Variants in GRTP1 observed in about 807,000 individuals in gnomAD.
The protein encoded by GRTP1 is growth hormone-regulated TBC protein 1.
A neutral mutation model predicts 38.1 loss-of-function variants in GRTP1; 56 were observed. The ratio of observed to expected loss-of-function variants is 1.47; its 90% CI spans 1.19 to 1.84. The LOEUF (loss-of-function observed/expected upper bound fraction) is 1.84, where lower values mean the gene tolerates loss of function less well. Among genes scored for constraint, GRTP1 ranks in the 40% most tolerant of loss-of-function variants. The pLI is 0.00. For missense variants in GRTP1, 506 were observed against 453.9 expected (o/e 1.11, Z -1.04); for synonymous variants, 217 against 189.5 (o/e 1.14, Z -1.19).
At chr13:113,345,945 G>A (rs116400737) in intron 4 of GRTP1, among the ~76,000 whole-genome samples, 5,331 of 152,302 alleles carry the variant, frequency 0.035, 327 homozygotes, top group African/African-American at 0.12. Context: ...ATGCTGGGAA[G>A]ACCTCTGTGG....
At position 113,343,964 on chromosome 13, in the gene GRTP1, C is replaced by G. The variant is rs1323742309; in HGVS notation, c.562+899G>C. Among the ~76,000 whole-genome samples the G allele has an allele frequency of 6.6e-6, 1 of 152,218 alleles. No individual in the cohort carries two copies. The highest frequency in any genetic ancestry group is 2.4e-5 in the African/African-American group (1 of 41,460). On this transcript the variant is annotated intron_variant, in intron 5 of 7. Transcript: ENST00000375431. The surrounding 1 kb of genome is among the most constrained non-coding windows in gnomAD (Gnocchi z 4.8). ...CCTGCAGCTCATCGTCTGCACTGGC[C>G]TTCACCATAACCCGTGGATAACTTA...
intron 5 of GRTP1, among the ~76,000 whole-genome samples, chr13:113,338,672 C>T (rs1030993355): frequency 8.5e-5 from 13 of 152,278 alleles, no homozygotes; most frequent in African/African-American, 2.2e-4. Context: ...ACTCGCACCC[C>T]GTGGTCACTG....
At chr13:113,330,641 TGCATGGGAGCCCAGGTGTG>T (rs1316009643) in intron 5 of GRTP1, among the ~76,000 whole-genome samples, 22 of 131,120 alleles carry the variant, frequency 1.7e-4, no homozygotes, top group East Asian at 2.5e-4. Context: ...CCCAGGTGTG[TGCATGGGAGCCCAGGTGTG>T]TGCATGGAAA....
chr13:113,338,217 T>C (rs1211224763), intron 5 of GRTP1, among the ~76,000 whole-genome samples: 2 of 151,986 alleles, frequency 1.3e-5, no homozygotes, highest in Non-Finnish European at 2.9e-5. Context: ...TTCCATGCCT[T>C]GTTGGGATGG....
intron 2 of GRTP1, chr13:113,359,876 G>A (rs1291320040): frequency 2.6e-5 from 4 of 152,168 alleles, no homozygotes; most frequent in Non-Finnish European, 5.9e-5. Context: ...TTGTTTACTT[G>A]TCCTCACAGA....
chr13:113,326,539 T>C (rs1274380525), intron 5 of GRTP1, among the ~76,000 whole-genome samples: 6 of 151,856 alleles, frequency 4.0e-5, no homozygotes, highest in East Asian at 1.9e-4. Flanking sequence ...GGTGTGGTGG[T>C]GGGCACCTGT....
chr13:113,339,212 G>A (rs1215308400), intron 5 of GRTP1, among the ~76,000 whole-genome samples: 1 of 152,032 alleles, frequency 6.6e-6, no homozygotes, highest in East Asian at 1.9e-4. Context: ...CCACACCCTG[G>A]CTTTCTGCTT....
chr13:113,336,340 T>C (rs1376711130), intron 5 of GRTP1, among the ~76,000 whole-genome samples: 1 of 35,840 alleles, frequency 2.8e-5, no homozygotes, highest in Admixed American at 3.1e-4. Flanking sequence ...ACTGTAAAAT[T>C]TAATTAAAAA....
chr13:113,325,242 C>T lies in GRTP1; in HGVS notation c.921+419G>A, dbSNP rs145527024. On this transcript the variant is annotated intron_variant, in intron 7 of 7. Transcript: ENST00000375431. ...CTCCCTCTTAGGAAACTACTGACTC[C>T]CAGGCCTGAGCCTCTCCTGGCGTCT... 4.7e-4 allele frequency: 569 copies of T among 1,203,918 alleles called. 5 individuals are homozygous for T. In the African/African-American group the frequency reaches 8.2e-3, roughly 17 times the overall value. The allele number at this position is 1,203,918 out of a possible 1,614,324, so 74.6% of individuals were successfully genotyped here. A position where few individuals can be genotyped will look rare whatever the true frequency, so the allele number is the denominator to read the frequency against.
intron 7 of GRTP1, chr13:113,325,036 G>A: frequency 1.2e-6 from 1 of 804,250 alleles, no homozygotes; most frequent in Non-Finnish European, 1.5e-6. Context: ...CACCGTGTTG[G>A]CCAGGCTGGT....
At chr13:113,333,667 G>A (rs974031235) in intron 5 of GRTP1, among the ~76,000 whole-genome samples, 2 of 151,380 alleles carry the variant, frequency 1.3e-5, no homozygotes, top group Non-Finnish European at 2.9e-5. Context: ...ACCACGCCCA[G>A]CTAATTTTTG....
rs1284135234 is a variant in GRTP1, at chr13:113,343,209, A to C, written c.562+1654T>G. ...CGTTTCCATGTCCTACCAATCCCAC[A>C]TTTGGATGTCTCCTAACTCCATCTG... On this transcript the variant is annotated intron_variant, in intron 5 of 7. Transcript: ENST00000375431. This position sits in a 1 kb window ranked among gnomAD's most constrained non-coding sequence, Gnocchi z 4.8. Among the ~76,000 whole-genome samples, 1 of 152,074 alleles carries C rather than the reference A, an allele frequency of 6.6e-6. No homozygotes were observed. The highest frequency in any genetic ancestry group is 1.5e-5 in the Non-Finnish European group (1 of 68,008).
intron 5 of GRTP1, among the ~76,000 whole-genome samples, chr13:113,333,131 C>T (rs2042900806): frequency 6.6e-6 from 1 of 152,244 alleles, no homozygotes; most frequent in Admixed American, 6.5e-5. Context: ...AGCCGGAGGG[C>T]GCTGGGGTAT....
Position 113,350,725 on chromosome 13 carries a change from C to T in GRTP1, c.465+124G>A, listed in dbSNP as rs1029727305. On this transcript the variant is annotated intron_variant, in intron 4 of 7. Coordinates refer to ENST00000375431, the MANE Select transcript of GRTP1 (RefSeq NM_024719.4). The stretch of plus-strand genomic sequence containing the variant: ...AAATGGCGTCCGAGCCTCAATGGGG[C>T]ATCAGGACGTGGAATTCATGAACAG... 3.3e-6 allele frequency: 3 copies of T among 910,098 alleles called. No individual in the cohort carries two copies. In the East Asian group the frequency reaches 8.5e-5, roughly 26 times the overall value. 56.4% of individuals were successfully genotyped at this position (910,098 alleles called of 1,614,324 possible).
chr13:113,326,066 G>T lies in GRTP1; in HGVS notation c.588C>A (p.Gly196=). ...LPDYYSPAML[G]LKTDQEVLGE... is the part of the protein sequence containing the mutation. ...CGAGGACCTCCTGGTCGGTCTTCAG[G>T]CCCAGCATGGCCGGGCTGTAGTAAT... The change falls in exon 6 of 8, where the codon GGC becomes GGA. Residue 196 remains glycine (G), a synonymous_variant. Coordinates refer to ENST00000375431, the MANE Select transcript of GRTP1 (RefSeq NM_024719.4). 6.2e-7 allele frequency: 1 copy of T among 1,610,968 alleles called. No individual in the cohort carries two copies. The highest frequency in any genetic ancestry group is 8.5e-7 in the Non-Finnish European group (1 of 1,179,974).
chr13:113,352,288 ATATTTATATATAT>A (rs1416560448), intron 3 of GRTP1, among the ~76,000 whole-genome samples: 697 of 64,574 alleles, frequency 0.011, 6 homozygotes, highest in African/African-American at 0.041. Flanking sequence ...ATATTTATAT[ATATTTATATATAT>A]TTTATATATA....
At chr13:113,362,571 G>C (rs4907622) in intron 2 of GRTP1, among the ~76,000 whole-genome samples, 77,402 of 151,964 alleles carry the variant, frequency 0.51, 20,097 homozygotes, top group Middle Eastern at 0.57. Flanking sequence ...AGGAGGTCAA[G>C]GCTACAGTGA....
At chr13:113,359,498 T>C (rs1339458552) in intron 2 of GRTP1, 2 of 152,208 alleles carry the variant, frequency 1.3e-5, no homozygotes, top group East Asian at 3.9e-4. Context: ...GGCGGGAGGA[T>C]TGCTCCTCTA....
rs1428135410 is a variant in GRTP1 at position 113,343,540 on chromosome 13, A to G, written c.562+1323T>C. On this transcript the variant is annotated intron_variant, in intron 5 of 7. Coordinates refer to ENST00000375431, the MANE Select transcript of GRTP1 (RefSeq NM_024719.4). The surrounding 1 kb of genome is among the most constrained non-coding windows in gnomAD (Gnocchi z 4.8). Reference sequence around the variant, plus strand: ...TGCCCCATCCGTGAGGACACACACTATGGTCTGTGAGTCACACAGCCAGGA... The same window carrying G: ...TGCCCCATCCGTGAGGACACACACTGTGGTCTGTGAGTCACACAGCCAGGA... Among the ~76,000 whole-genome samples, 1 of 152,136 alleles carries G rather than the reference A, an allele frequency of 6.6e-6. No individual in the cohort carries two copies. The highest frequency in any genetic ancestry group is 1.9e-4 in the East Asian group (1 of 5,194).
Sources: allele counts gnomAD v4.1 joint callset (sites outside exome capture counted in the v4.1 genomes callset), GRCh38; gene constraint gnomAD v4.1.1; non-coding constraint Gnocchi (gnomAD v3.1); transcripts MANE v1.5; gene names NCBI Gene and HGNC (gene_info 2026-07-23, HGNC 2026-07-21).